The following DMTN variants were observed in gnomAD, a reference collection of about 807,000 sequenced individuals.
DMTN encodes dematin.
Under a neutral mutation model 59.4 loss-of-function variants are expected in DMTN, and 27 were observed. The observed-to-expected ratio is 0.45, with a 90% CI of 0.33 to 0.63. The LOEUF is 0.63. Among genes scored for constraint, DMTN ranks in the 20% least tolerant of loss-of-function variants. DMTN has a pLI of 0.02. For missense variants in DMTN, 451 were observed against 528.9 expected (o/e 0.85, Z 1.45); for synonymous variants, 221 against 203.7 (o/e 1.08, Z -0.72).
chr8:22,050,501 G>C (rs1585556099), upstream of DMTN, among the ~76,000 whole-genome samples: 1 of 151,806 alleles, frequency 6.6e-6, no homozygotes, highest in Non-Finnish European at 1.5e-5. Context: ...TCTTGCCTCC[G>C]CTTTCTTCTC....
In DMTN at chr8:22,067,539, A is replaced by T; in HGVS notation, c.106A>T (p.Asn36Tyr). ...SPSSIVAKMD[N>Y]QVLGYKDLAA... ...CCTTTCCCTTCAGGCCAAGATGGAC[A>T]ATCAGGTGCTGGGCTACAAGGACCT... Residue 36 changes from asparagine (N) to tyrosine (Y), a missense_variant, in exon 4 of 16, where the codon AAT becomes TAT. Asn to Tyr is a moderately radical substitution (Grantham distance 143, BLOSUM62 -2). Coordinates refer to ENST00000358242, the MANE Select transcript of DMTN (RefSeq NM_001387751.1). 1 of 1,614,202 alleles carries T rather than the reference A, an allele frequency of 6.2e-7. No homozygotes were observed. The highest frequency in any genetic ancestry group is 8.5e-7 in the Non-Finnish European group (1 of 1,180,028).
upstream of DMTN, chr8:22,049,131 G>GAGGCGC (rs1222791289): frequency 2.2e-4 from 33 of 150,244 alleles, no homozygotes; most frequent in African/African-American, 5.3e-4. Flanking sequence ...CCCCAGGCCC[G>GAGGCGC]AGGCGCAGGC....
intron 9 of DMTN, among the ~76,000 whole-genome samples, chr8:22,073,464 T>TA (rs1026323716): frequency 0.013 from 1,861 of 144,292 alleles, 39 homozygotes; most frequent in African/African-American, 0.045. Context: ...CATCTGTATA[T>TA]AAAAAAAAAA....
At chr8:22,079,255 AAAATAAATAAATAAATAAAT>A (rs1228605986) in intron 10 of DMTN, among the ~76,000 whole-genome samples, 1 of 83,458 alleles carries the variant, frequency 1.2e-5, no homozygotes, top group African/African-American at 4.5e-5. Flanking sequence ...ACAAAAAATA[AAAATAAATAAATAAATAAAT>A]AAATATATAT....
At chr8:22,061,802 G>T (rs1806780446) in intron 1 of DMTN, among the ~76,000 whole-genome samples, 1 of 142,164 alleles carries the variant, frequency 7.0e-6, no homozygotes. Flanking sequence ...TGCCCAGGCT[G>T]GAGTGCAGTG....
At chr8:22,067,473 G>C in intron 3 of DMTN, 54 bp from the exon 4 acceptor site, 2 of 1,601,754 alleles carry the variant, frequency 1.2e-6, no homozygotes, top group Non-Finnish European at 1.7e-6. Flanking sequence ...AGCAGGGCCA[G>C]TGTCCTAGGC....
In DMTN at chr8:22,072,307, CT is replaced by C; in HGVS notation, c.605-16del. 1 of 1,589,168 alleles carries C rather than the reference CT, an allele frequency of 6.3e-7. No homozygotes were observed. On this transcript the variant is annotated intron_variant, in intron 8 of 15. Coordinates refer to ENST00000358242, the MANE Select transcript of DMTN (RefSeq NM_001387751.1). ...CCATGGCGAGTGACTCCCTCCCCAC[CT>C]TTGCTTGTGTCTCCTAGAGACAGAA...
intron 10 of DMTN, among the ~76,000 whole-genome samples, chr8:22,076,632 A>G (rs914352123): frequency 1.3e-5 from 2 of 151,750 alleles, no homozygotes; most frequent in African/African-American, 4.8e-5. Context: ...ATATATATAT[A>G]CACGATATAT....
Position 22,060,078 on chromosome 8 carries a change from G to C in DMTN, c.-172+2942G>C, listed in dbSNP as rs912202695. 1.1e-4 allele frequency among the ~76,000 whole-genome samples: 16 copies of C among 152,244 alleles called. No individual in the cohort carries two copies. The highest frequency in any genetic ancestry group is 3.9e-4 in the African/African-American group (16 of 41,540). On this transcript the variant is annotated intron_variant, in intron 1 of 15. Transcript: ENST00000358242. The surrounding 1 kb of genome is among the most constrained non-coding windows in gnomAD (Gnocchi z 5.0). The stretch of plus-strand genomic sequence containing the variant: ...GAGGGCGAGCGGCTGGCTGGCGTCC[G>C]ACCAGGGCCAGGGGCAGCTGAGCTG...
At chr8:22,067,420 G>C in intron 3 of DMTN, 107 bp from the exon 4 acceptor site, 2 of 1,481,218 alleles carry the variant, frequency 1.4e-6, no homozygotes, top group Non-Finnish European at 1.8e-6. Context: ...GTTAACGTCT[G>C]CAATGGCGGT....
At chr8:22,053,359 A>T (rs1801556936), upstream of DMTN, among the ~76,000 whole-genome samples, 1 of 152,186 alleles carries the variant, frequency 6.6e-6, no homozygotes, top group Non-Finnish European at 1.5e-5. Flanking sequence ...GCAGGGGCAC[A>T]TGGCTCCCAA....
chr8:22,081,211 C>T lies in DMTN; in HGVS notation c.1104+18C>T, dbSNP rs373050489. 7 of 1,613,490 alleles carry T rather than the reference C, an allele frequency of 4.3e-6. No homozygotes were observed. The highest frequency in any genetic ancestry group is 5.9e-6 in the Non-Finnish European group (7 of 1,179,830). On this transcript the variant is annotated intron_variant, in intron 15 of 15. Coordinates refer to ENST00000358242, the MANE Select transcript of DMTN (RefSeq NM_001387751.1). ...GGCTTGAGGTAGGCAAGGAAGATGC[C>T]CTGGATGGGTGCGGGGCTGTCCACG...
In DMTN at chr8:22,080,834, C is replaced by T; in HGVS notation, c.987C>T (p.Asp329=). Residue 329 remains aspartate (D), a synonymous_variant, in exon 14 of 16, where the codon GAC becomes GAT. Transcript: ENST00000358242. ...GAGAGGGCCAGAGGGGGAGGATGGACCGGGGGAACTCCCTGCCCTGTGTGC... is the reference window on the plus strand; with the variant it reads ...GAGAGGGCCAGAGGGGGAGGATGGATCGGGGGAACTCCCTGCCCTGTGTGC... ...QNGEGQRGRM[D]RGNSLPCVLE... 2 of 1,598,526 alleles carry T rather than the reference C, an allele frequency of 1.3e-6. No homozygotes were observed. Among genetic ancestry groups the T allele is most frequent in the Admixed American group, 3.4e-5 (2 of 59,482 alleles).
At chr8:22,054,103 TAC>T (rs71916677), upstream of DMTN, among the ~76,000 whole-genome samples, 62 of 147,776 alleles carry the variant, frequency 4.2e-4, no homozygotes, top group Non-Finnish European at 5.6e-4. Flanking sequence ...CCACCACCAA[TAC>T]ACACACACAC....
Position 22,082,093 on chromosome 8 carries a change from G to A in DMTN, c.*630G>A, listed in dbSNP as rs369489016. 2.4e-5 allele frequency: 11 copies of A among 456,544 alleles called. No individual in the cohort carries two copies. The highest frequency in any genetic ancestry group is 1.5e-4 in the South Asian group (10 of 64,570). 28.3% of individuals were successfully genotyped at this position (456,544 alleles called of 1,614,324 possible). ...AGCCTGGGCTTAGGGTGGAGATGCC[G>A]CCTACACACGATCCTGGCCCTCCAC... On this transcript the variant is annotated 3_prime_UTR_variant, in exon 16 of 16. Coordinates refer to ENST00000358242, the MANE Select transcript of DMTN (RefSeq NM_001387751.1).
At chr8:22,064,659 T>C (rs189664965) in intron 1 of DMTN, among the ~76,000 whole-genome samples, 20 of 152,282 alleles carry the variant, frequency 1.3e-4, no homozygotes, top group South Asian at 4.1e-4. Context: ...AGGGTTTCAC[T>C]GTGTTAGCCA....
At chr8:22,065,670 C>T (rs894257986) in intron 1 of DMTN, among the ~76,000 whole-genome samples, 2 of 152,006 alleles carry the variant, frequency 1.3e-5, no homozygotes, top group East Asian at 3.9e-4. Context: ...TGGTGAAACC[C>T]CATCGCTACT....
intron 1 of DMTN, among the ~76,000 whole-genome samples, chr8:22,061,282 C>CAAAAAAAAA (rs533576492): frequency 3.0e-5 from 2 of 66,524 alleles, no homozygotes; most frequent in African/African-American, 1.0e-4. Flanking sequence ...GACCCTGTCT[C>CAAAAAAAAA]AAAAAAAAAA....
chr8:22,050,724 G>C (rs1347427049), upstream of DMTN, among the ~76,000 whole-genome samples: 1 of 152,094 alleles, frequency 6.6e-6, no homozygotes, highest in Non-Finnish European at 1.5e-5. Flanking sequence ...CCCCATCCCC[G>C]AGGTATCCAG....
Sources: allele counts gnomAD v4.1 joint callset (sites outside exome capture counted in the v4.1 genomes callset), GRCh38; gene constraint gnomAD v4.1.1; non-coding constraint Gnocchi (gnomAD v3.1); transcripts MANE v1.5; gene names NCBI Gene and HGNC (gene_info 2026-07-23, HGNC 2026-07-21).